The following WWOX variants were observed in gnomAD, a reference collection of about 807,000 sequenced individuals.
WWOX encodes the protein WW domain-containing oxidoreductase.
In WWOX, 69 loss-of-function variants were observed where a neutral mutation model predicts 46.2. The ratio of observed to expected loss-of-function variants is 1.49; its 90% CI spans 1.23 to 1.82. The LOEUF (loss-of-function observed/expected upper bound fraction) is 1.82. Ranked by LOEUF, WWOX falls within the 40% of genes most tolerant of loss-of-function variation. The pLI, the probability that WWOX is intolerant of heterozygous loss-of-function variation, is 0.00. For synonymous variants in WWOX, 359 were observed against 202.6 expected (o/e 1.77, Z -6.56); for missense variants, 919 against 542.6 (o/e 1.69, Z -6.89).
chr16:78,952,627 G>C (rs1389814562), intron 8 of WWOX, among the ~76,000 whole-genome samples: 1 of 152,002 alleles, frequency 6.6e-6, no homozygotes, highest in African/African-American at 2.4e-5. Context: ...CAAGTGATCT[G>C]TCCACCTCTG....
At chr16:79,184,295 G>C (rs1013233879) in intron 8 of WWOX, among the ~76,000 whole-genome samples, 4 of 152,176 alleles carry the variant, frequency 2.6e-5, no homozygotes, top group Non-Finnish European at 5.9e-5. Flanking sequence ...TTTGCACAAA[G>C]AGCCTACCAT....
chr16:78,362,300 A>G (rs186315177), intron 5 of WWOX, among the ~76,000 whole-genome samples: 159 of 152,222 alleles, frequency 1.0e-3, no homozygotes, highest in Middle Eastern at 3.4e-3. Context: ...GATGATGGGT[A>G]TGTGAAGCAG....
intron 8 of WWOX, among the ~76,000 whole-genome samples, chr16:79,066,798 G>A (rs368888982): frequency 2.2e-4 from 33 of 152,326 alleles, no homozygotes; most frequent in African/African-American, 7.0e-4. Flanking sequence ...CAGGTCAAAC[G>A]AGGTACCATA....
chr16:78,861,596 A>C (rs1031352045), intron 8 of WWOX, among the ~76,000 whole-genome samples: 35 of 152,206 alleles, frequency 2.3e-4, no homozygotes, highest in Non-Finnish European at 1.6e-4. Flanking sequence ...AAAAAATGAT[A>C]ATTACAGTAT....
At chr16:78,527,747 T>C (rs1365880829) in intron 8 of WWOX, among the ~76,000 whole-genome samples, 1 of 43,638 alleles carries the variant, frequency 2.3e-5, no homozygotes, top group Non-Finnish European at 6.4e-5. Flanking sequence ...TCAGGAGTGA[T>C]ATTGCCTGCC....
At chr16:78,361,449 C>G (rs1222172979) in intron 5 of WWOX, among the ~76,000 whole-genome samples, 1 of 152,114 alleles carries the variant, frequency 6.6e-6, no homozygotes, top group African/African-American at 2.4e-5. Context: ...CCCCGTTTTC[C>G]TTAAACTTTC....
chr16:79,000,058 T>C (rs1876718146), intron 8 of WWOX, among the ~76,000 whole-genome samples: 1 of 152,166 alleles, frequency 6.6e-6, no homozygotes, highest in African/African-American at 2.4e-5. Flanking sequence ...AAAGGGTCTC[T>C]TCAGGCTCCT....
intron 8 of WWOX, among the ~76,000 whole-genome samples, chr16:78,481,152 T>A (rs2084475851): frequency 6.6e-6 from 1 of 152,206 alleles, no homozygotes; most frequent in Admixed American, 6.5e-5. Context: ...TTCCTGGAGG[T>A]AGTAGCTAAT....
intron 8 of WWOX, among the ~76,000 whole-genome samples, chr16:79,067,009 G>A (rs2048453886): frequency 6.6e-6 from 1 of 152,184 alleles, no homozygotes. Flanking sequence ...GCATGCCACA[G>A]TTAAGTGCTC....
intron 8 of WWOX, among the ~76,000 whole-genome samples, chr16:79,048,004 C>G (rs538721486): frequency 2.4e-4 from 37 of 152,154 alleles, no homozygotes; most frequent in Admixed American, 6.5e-4. Flanking sequence ...GAAAATATCC[C>G]TTGTGGTCAA....
intron 5 of WWOX, among the ~76,000 whole-genome samples, chr16:78,312,438 C>T (rs944098008): frequency 6.9e-6 from 1 of 144,316 alleles, no homozygotes; most frequent in Non-Finnish European, 1.5e-5. Flanking sequence ...AGTGCAATGG[C>T]ATGATTTCTG....
intron 8 of WWOX, among the ~76,000 whole-genome samples, chr16:79,120,478 C>G (rs926376287): frequency 6.6e-6 from 1 of 152,160 alleles, no homozygotes. Flanking sequence ...AAATATATCT[C>G]ACATGGTGCC....
intron 8 of WWOX, among the ~76,000 whole-genome samples, chr16:78,576,635 C>CT (rs1417444563): frequency 6.6e-6 from 1 of 152,124 alleles, no homozygotes; most frequent in Non-Finnish European, 1.5e-5. Context: ...AAGTTTGTGA[C>CT]CAGCCTGGGC....
chr16:78,502,607 T>C (rs1209935601), intron 8 of WWOX, among the ~76,000 whole-genome samples: 1 of 152,250 alleles, frequency 6.6e-6, no homozygotes, highest in Non-Finnish European at 1.5e-5. Context: ...TTTGTGTCTA[T>C]TATGAATAAT....
intron 5 of WWOX, among the ~76,000 whole-genome samples, chr16:78,245,987 G>T (rs1276358211): frequency 6.6e-6 from 1 of 152,178 alleles, no homozygotes. Flanking sequence ...AGACTAGGAT[G>T]CCATTTTGCA....
At chr16:78,556,431 C>T (rs927978389) in intron 8 of WWOX, among the ~76,000 whole-genome samples, 1 of 152,024 alleles carries the variant, frequency 6.6e-6, no homozygotes, top group Non-Finnish European at 1.5e-5. Flanking sequence ...GCACGGGGAA[C>T]GGTCAGGGAA....
chr16:78,923,180 C>A lies in WWOX; in HGVS notation c.1057-288428C>A, dbSNP rs1459713639. On this transcript the variant is annotated intron_variant, in intron 8 of 8. Transcript: ENST00000566780. ...ATTTTTAGTAGAGACGGGGTTTCTC[C>A]ATGTTGGTCAGGCTGGTCTCAAACT... 2.0e-5 allele frequency among the ~76,000 whole-genome samples: 3 copies of A among 152,000 alleles called. No individual in the cohort carries two copies. The East Asian group carries it at 5.8e-4, about 30-fold the overall frequency.
intron 8 of WWOX, among the ~76,000 whole-genome samples, chr16:78,634,610 G>A (rs528621033): frequency 1.3e-5 from 2 of 151,826 alleles, no homozygotes; most frequent in African/African-American, 2.4e-5. Context: ...GGAAGTTGAG[G>A]CAGGAGAATC....
At chr16:78,938,590 C>G (rs781062698) in intron 8 of WWOX, among the ~76,000 whole-genome samples, 3 of 152,070 alleles carry the variant, frequency 2.0e-5, no homozygotes, top group Admixed American at 6.6e-5. Flanking sequence ...TAAGAGTCGT[C>G]TCTGGGCATT....
Sources: gnomAD v4.1 joint callset for allele counts (sites outside exome capture counted in the v4.1 genomes callset) on GRCh38, gnomAD v4.1.1 for gene constraint, MANE v1.5 for transcripts, NCBI Gene and HGNC (gene_info 2026-07-23, HGNC 2026-07-21) for gene names.